Variants in ERC1 observed in about 807,000 individuals in gnomAD.
ERC1 encodes RAB6 interacting protein 2.
A neutral mutation model predicts 132.0 loss-of-function variants in ERC1; 56 were observed. That is an observed-to-expected ratio of 0.42 (90% CI 0.34 to 0.53). ERC1 has a LOEUF of 0.53. Among genes scored for constraint, ERC1 ranks in the 20% least tolerant of loss-of-function variants. The probability of loss-of-function intolerance (pLI) is 0.03; values close to 1 mark genes in which losing one functional copy is unlikely to be tolerated. For missense variants in ERC1, 1,202 were observed against 1,349.9 expected (o/e 0.89, Z 1.72); for synonymous variants, 478 against 476.1 (o/e 1.00, Z -0.05).
At chr12:1,341,188 G>A (rs1026483679) in intron 15 of ERC1, among the ~76,000 whole-genome samples, 19 of 111,046 alleles carry the variant, frequency 1.7e-4, no homozygotes, top group Admixed American at 1.4e-3. Flanking sequence ...CCGACTCCTG[G>A]GTTCAAGCAG....
Position 1,490,693 on chromosome 12 carries a change from G to A in ERC1, c.*463G>A, listed in dbSNP as rs1292202997. 2 of 233,558 alleles carry A rather than the reference G, an allele frequency of 8.6e-6. No individual in the cohort carries two copies. Among genetic ancestry groups the A allele is most frequent in the Non-Finnish European group, 1.7e-5 (2 of 118,500 alleles). The allele number at this position is 233,558 out of a possible 1,614,324, so 14.5% of individuals were successfully genotyped here. A position where few individuals can be genotyped will look rare whatever the true frequency, so the allele number is the denominator to read the frequency against. ...CACAATAGGTGCTTTCTCCTAAAAG[G>A]GCAAAAAACAATCTCAAAAAGATTA... is the stretch of plus-strand genomic sequence containing the variant. On this transcript the variant is annotated 3_prime_UTR_variant, in exon 19 of 19. Transcript: ENST00000360905.
intron 1 of ERC1, among the ~76,000 whole-genome samples, chr12:994,330 T>C (rs79964178): frequency 2.6e-5 from 4 of 152,190 alleles, no homozygotes; most frequent in East Asian, 3.8e-4. Context: ...TGTTTTTTTT[T>C]CTTATTTATT....
At chr12:1,295,267 C>T (rs2079827460) in intron 15 of ERC1, among the ~76,000 whole-genome samples, 1 of 152,136 alleles carries the variant, frequency 6.6e-6, no homozygotes, top group African/African-American at 2.4e-5. Context: ...AAAGGTCCCC[C>T]ATCGATTTAA....
Position 1,444,709 on chromosome 12 carries a change from G to A in ERC1, c.3172G>A (p.Ala1058Thr). The change falls in exon 18 of 19, where the codon GCG (alanine) becomes ACG (threonine). Residue 1058 changes from alanine (A) to threonine (T), a missense_variant. Physicochemically the swap from Ala to Thr is moderately conservative, Grantham distance 58 (BLOSUM62 0). Transcript: ENST00000360905. ...PASYNLDDDQ[A>T]AWENELQKMT... The stretch of plus-strand genomic sequence containing the variant: ...TTCCTATAACTTGGACGATGACCAG[G>A]CGGCTTGGGAGAATGAGCTGCAGAA... 6.2e-7 allele frequency: 1 copy of A among 1,614,096 alleles called. No homozygotes were observed. The highest frequency in any genetic ancestry group is 8.5e-7 in the Non-Finnish European group (1 of 1,180,022).
At chr12:1,469,584 C>T (rs1489187913) in intron 18 of ERC1, among the ~76,000 whole-genome samples, 1 of 152,176 alleles carries the variant, frequency 6.6e-6, no homozygotes, top group African/African-American at 2.4e-5. Flanking sequence ...CCTGGAGCTC[C>T]GTGGCTTCAC....
chr12:1,049,905 G>A (rs1008481139), intron 2 of ERC1, among the ~76,000 whole-genome samples: 18 of 151,958 alleles, frequency 1.2e-4, no homozygotes, highest in Admixed American at 4.6e-4. Context: ...CACCATGCCC[G>A]GCTAATTTTG....
chr12:1,473,002 C>A (rs1169869618), intron 18 of ERC1, among the ~76,000 whole-genome samples: 1 of 152,012 alleles, frequency 6.6e-6, no homozygotes, highest in Non-Finnish European at 1.5e-5. Flanking sequence ...ATAGACAGAC[C>A]CGAATGGAGC....
intron 15 of ERC1, among the ~76,000 whole-genome samples, chr12:1,336,936 T>C (rs573983901): frequency 6.6e-6 from 1 of 152,328 alleles, no homozygotes; most frequent in Admixed American, 6.5e-5. Context: ...TAGCTGGGAC[T>C]ACAGGCATGC....
chr12:1,404,864 C>T (rs545000528), intron 16 of ERC1, among the ~76,000 whole-genome samples: 4 of 152,098 alleles, frequency 2.6e-5, no homozygotes, highest in Admixed American at 6.5e-5. Context: ...GAGAGCCGGG[C>T]GCAGTGGCTC....
At chr12:1,440,409 T>A (rs1459718758) in intron 17 of ERC1, among the ~76,000 whole-genome samples, 1 of 150,854 alleles carries the variant, frequency 6.6e-6, no homozygotes, top group Non-Finnish European at 1.5e-5. Context: ...GGTTTCACCG[T>A]GTTAGCCAGG....
chr12:1,485,365 T>C (rs931286653), intron 18 of ERC1, among the ~76,000 whole-genome samples: 59 of 151,858 alleles, frequency 3.9e-4, no homozygotes, highest in Admixed American at 7.2e-4. Context: ...CCACCACGCC[T>C]GGCTAGTTTT....
Position 1,373,778 on chromosome 12 carries a change from CAAAAGAAAAAGAAGAAAA to C in ERC1, c.2925+1802_2925+1819del, listed in dbSNP as rs932190114. ...CTGACAAGAGGACGAGAGTCCGTCT[CAAAAGAAAAAGAAGAAAA>C]GAAAGAAAAGAAAAGGAAATTAATT... On this transcript the variant is annotated intron_variant, in intron 16 of 18. Transcript: ENST00000360905. 1.9e-4 allele frequency among the ~76,000 whole-genome samples: 28 copies of C among 146,876 alleles called. 1 individual carries two copies. In the East Asian group the frequency reaches 5.2e-3, roughly 28 times the overall value.
At chr12:1,440,505 CTT>C (rs75192034) in intron 17 of ERC1, among the ~76,000 whole-genome samples, 1,298 of 126,050 alleles carry the variant, frequency 0.01, 60 homozygotes, top group African/African-American at 0.038. Context: ...CGCGCCCGGC[CTT>C]TTTTTTTTTT....
At chr12:1,279,924 G>C (rs2078559489) in intron 14 of ERC1, among the ~76,000 whole-genome samples, 1 of 152,058 alleles carries the variant, frequency 6.6e-6, no homozygotes, top group Non-Finnish European at 1.5e-5. Flanking sequence ...TCGAACTCCT[G>C]ACCTCATGAT....
At chr12:1,139,366 T>C (rs1209157330) in intron 7 of ERC1, among the ~76,000 whole-genome samples, 1 of 152,210 alleles carries the variant, frequency 6.6e-6, no homozygotes, top group Non-Finnish European at 1.5e-5. Flanking sequence ...ATAACCCTTA[T>C]TTTATTTAAT....
rs369528884 is a variant in ERC1 at position 1,377,934 on chromosome 12, T to C, written c.2925+5957T>C. Among the ~76,000 whole-genome samples the C allele has an allele frequency of 6.6e-5, 10 of 152,328 alleles. No individual in the cohort carries two copies. In the East Asian group the frequency reaches 9.7e-4, roughly 15 times the overall value. On this transcript the variant is annotated intron_variant, in intron 16 of 18. Coordinates refer to ENST00000360905, the MANE Select transcript of ERC1 (RefSeq NM_178040.4). Reference sequence around the variant, plus strand: ...TGAGGGTTATGACAACAATAAAATATCTGTTTCAGCTTTCAGTTTTGGTGG... The same window carrying C: ...TGAGGGTTATGACAACAATAAAATACCTGTTTCAGCTTTCAGTTTTGGTGG...
intron 15 of ERC1, among the ~76,000 whole-genome samples, chr12:1,318,052 C>G (rs1488361426): frequency 6.6e-6 from 1 of 152,114 alleles, no homozygotes; most frequent in Non-Finnish European, 1.5e-5. Context: ...ATACTATTCT[C>G]AAATAGTAAA....
chr12:1,310,207 CTTTTT>C (rs1311985889), intron 15 of ERC1, among the ~76,000 whole-genome samples: 18 of 80,336 alleles, frequency 2.2e-4, no homozygotes, highest in African/African-American at 6.3e-4. Context: ...TTAAACAGTT[CTTTTT>C]TATTTTATTT....
At chr12:1,455,435 C>G (rs997853005) in intron 18 of ERC1, among the ~76,000 whole-genome samples, 2 of 152,300 alleles carry the variant, frequency 1.3e-5, no homozygotes, top group Admixed American at 1.3e-4. Flanking sequence ...CTTTAGGATG[C>G]TCCCGTATCT....
Sources: gnomAD v4.1 joint callset for allele counts (sites outside exome capture counted in the v4.1 genomes callset) on GRCh38, gnomAD v4.1.1 for gene constraint, MANE v1.5 for transcripts, NCBI Gene and HGNC (gene_info 2026-07-23, HGNC 2026-07-21) for gene names.